The following LANCL3 variants were observed in gnomAD, a reference collection of about 807,000 sequenced individuals.
LANCL3 encodes the protein lanC-like protein 3.
Under a neutral mutation model 26.5 loss-of-function variants are expected in LANCL3, and 19 were observed. The observed-to-expected ratio is 0.72, with a 90% CI of 0.50 to 1.05. The LOEUF is 1.05. Ranked by LOEUF, LANCL3 falls within the 50% of genes least tolerant of loss-of-function variation. The pLI is 0.00. For synonymous variants in LANCL3, 160 were observed against 166.6 expected, an observed-to-expected ratio of 0.96 and a Z score of 0.30; for missense variants, 318 against 362.7, an observed-to-expected ratio of 0.88 and a Z score of 1.00.
intron 1 of LANCL3, among the ~76,000 whole-genome samples, chrX:37,613,365 T>C (rs1169820101): frequency 1.8e-5 from 2 of 110,881 alleles, no homozygotes; most frequent in Non-Finnish European, 3.8e-5. Flanking sequence ...ATTGGATGAG[T>C]TATAATAGTA....
At chrX:37,645,212 A>G (rs143343858) in intron 1 of LANCL3, among the ~76,000 whole-genome samples, 1,740 of 112,142 alleles carry the variant, frequency 0.016, 36 homozygotes, top group African/African-American at 0.053. Context: ...TTCTGGGTTT[A>G]TGTTTCTTCA....
At chrX:37,582,356 A>G (rs1472779234) in intron 1 of LANCL3, among the ~76,000 whole-genome samples, 1 of 112,076 alleles carries the variant, frequency 8.9e-6, no homozygotes, top group Non-Finnish European at 1.9e-5. Context: ...AGGAATCGCC[A>G]CACTGTCTTC....
intron 1 of LANCL3, among the ~76,000 whole-genome samples, chrX:37,588,767 G>A (rs189654291): frequency 3.0e-4 from 34 of 112,035 alleles, no homozygotes; most frequent in African/African-American, 1.0e-3. Context: ...ATAAAGAAGC[G>A]GTTTTTCAGA....
chrX:37,590,541 C>G (rs1924242595), intron 1 of LANCL3, among the ~76,000 whole-genome samples: 1 of 112,494 alleles, frequency 8.9e-6, no homozygotes, highest in African/African-American at 3.2e-5. Context: ...GCACTTCACT[C>G]TTTCATTCCT....
chrX:37,602,686 C>T (rs1292163951), intron 1 of LANCL3, among the ~76,000 whole-genome samples: 1 of 110,742 alleles, frequency 9.0e-6, no homozygotes, highest in African/African-American at 3.3e-5. Context: ...TGTTTTTGTC[C>T]CCTTTTTCAT....
intron 1 of LANCL3, among the ~76,000 whole-genome samples, chrX:37,574,054 C>CAAAAAAAAAAAAAAAAAAAAAA (rs34987799): frequency 9.0e-5 from 3 of 33,433 alleles, no homozygotes; most frequent in African/African-American, 2.8e-4. Context: ...TCAAGGATAG[C>CAAAAAAAAAAAAAAAAAAAAAA]AAAAAAAAAA....
chrX:37,611,875 A>G (rs1924880350), intron 1 of LANCL3, among the ~76,000 whole-genome samples: 1 of 112,267 alleles, frequency 8.9e-6, no homozygotes, highest in African/African-American at 3.2e-5. Context: ...AAATGAATGT[A>G]TACTGCCTGG....
At chrX:37,630,569 A>T (rs1323223000) in intron 1 of LANCL3, among the ~76,000 whole-genome samples, 1 of 108,771 alleles carries the variant, frequency 9.2e-6, no homozygotes, top group Non-Finnish European at 1.9e-5. Flanking sequence ...CCCATTCAGT[A>T]TGATATTGGC....
At chrX:37,582,890 C>T (rs1253761042) in intron 1 of LANCL3, among the ~76,000 whole-genome samples, 1 of 111,719 alleles carries the variant, frequency 9.0e-6, no homozygotes, top group South Asian at 3.8e-4. Flanking sequence ...AAGTCCTTGC[C>T]CATGCCTATG....
intron 4 of LANCL3, chrX:37,668,339 T>C: frequency 3.3e-6 from 1 of 307,603 alleles, no homozygotes; most frequent in Non-Finnish European, 5.9e-6. Flanking sequence ...ATATTTATAA[T>C]TTTGACAATA....
At chrX:37,659,368 G>A in intron 2 of LANCL3, 94 bp from the exon 3 acceptor site, 1 of 637,932 alleles carries the variant, frequency 1.6e-6, no homozygotes, top group Non-Finnish European at 2.4e-6. Context: ...AAGTAATATT[G>A]GCTTTATTGT....
intron 1 of LANCL3, among the ~76,000 whole-genome samples, chrX:37,641,637 C>T (rs1363609315): frequency 9.0e-6 from 1 of 111,467 alleles, no homozygotes; most frequent in Non-Finnish European, 1.9e-5. Flanking sequence ...TTATGACCTT[C>T]AGGGCATCCA....
chrX:37,603,520 G>A (rs972690115), intron 1 of LANCL3, among the ~76,000 whole-genome samples: 6 of 110,941 alleles, frequency 5.4e-5, no homozygotes, highest in African/African-American at 1.3e-4. Flanking sequence ...AGTATATCCC[G>A]TCTTGTTTTC....
At chrX:37,650,649 C>T (rs1926112982) in intron 1 of LANCL3, among the ~76,000 whole-genome samples, 1 of 106,792 alleles carries the variant, frequency 9.4e-6, no homozygotes, top group South Asian at 4.4e-4. Context: ...GCTATAAGGA[C>T]GAGCTACTTT....
In LANCL3 at chrX:37,572,546, T is replaced by C. The variant is rs868959882; in HGVS notation, c.573+103T>C. The C allele has an allele frequency of 5.9e-5, 38 of 642,640 alleles. No individual in the cohort carries two copies. In the African/African-American group the frequency reaches 7.5e-4, roughly 13 times the overall value. 53.0% of individuals were successfully genotyped at this position (642,640 alleles called of 1,213,427 possible). A position where few individuals can be genotyped will look rare whatever the true frequency, so the allele number is the denominator to read the frequency against. ...GCACTGTCCCGAGTTGCTCTCCAAG[T>C]CTTTGTTACTCTTGGTGTGGTGCTA... On this transcript the variant is annotated intron_variant, in intron 1 of 4. Transcript: ENST00000378619.
At chrX:37,658,476 T>C (rs1392237940) in intron 2 of LANCL3, among the ~76,000 whole-genome samples, 2 of 111,980 alleles carry the variant, frequency 1.8e-5, no homozygotes, top group Non-Finnish European at 3.8e-5. Context: ...ATTCAGGCCT[T>C]CAGTGAATTG....
At chrX:37,638,725 C>G (rs1053931884) in intron 1 of LANCL3, among the ~76,000 whole-genome samples, 1 of 111,019 alleles carries the variant, frequency 9.0e-6, no homozygotes, top group African/African-American at 3.3e-5. Flanking sequence ...ATCTATTAAC[C>G]AGATCAATAT....
At chrX:37,666,794 G>T (rs1926555291) in intron 3 of LANCL3, among the ~76,000 whole-genome samples, 1 of 111,874 alleles carries the variant, frequency 8.9e-6, no homozygotes, top group Non-Finnish European at 1.9e-5. Flanking sequence ...TCCCAGTTTT[G>T]CTTTTAAGAA....
intron 1 of LANCL3, among the ~76,000 whole-genome samples, chrX:37,581,412 C>T (rs1556417004): frequency 8.9e-6 from 1 of 112,111 alleles, no homozygotes; most frequent in Non-Finnish European, 1.9e-5. Context: ...TCACTGTATA[C>T]AGCAAGTTTT....
Sources: allele counts gnomAD v4.1 joint callset (sites outside exome capture counted in the v4.1 genomes callset), GRCh38; gene constraint gnomAD v4.1.1; transcripts MANE v1.5; gene names NCBI Gene and HGNC (gene_info 2026-07-23, HGNC 2026-07-21).